The following C11orf65 variants were observed in gnomAD, a reference collection of about 807,000 sequenced individuals.
C11orf65 encodes the protein chromosome 11 open reading frame 65, also known as protein MFI.
In C11orf65, 38 loss-of-function variants were observed where a neutral mutation model predicts 35.3. That is an observed-to-expected ratio of 1.08 (90% CI 0.83 to 1.41). The LOEUF (loss-of-function observed/expected upper bound fraction) is 1.41, where lower values mean the gene tolerates loss of function less well. C11orf65 is among the 40% of genes most tolerant of loss of function. The pLI is 0.00. For missense variants in C11orf65, 370 were observed against 367.1 expected, an observed-to-expected ratio of 1.01 and a Z score of -0.06; for synonymous variants, 105 against 114.4, an observed-to-expected ratio of 0.92 and a Z score of 0.53.
At position 108,365,138 on chromosome 11, in the gene C11orf65, T is replaced by G; in HGVS notation, c.226+28070A>C. On this transcript the variant is annotated intron_variant, in intron 2 of 3. Coordinates refer to the C11orf65 transcript ENST00000524755. ...CCATGAATCCTTTGAAAGCTTTGTA[T>G]TTACAGCAGAGGCCGGAAGATGAAA... 6.2e-7 allele frequency: 1 copy of G among 1,614,214 alleles called. No individual in the cohort carries two copies.
chr11:108,423,223 G>A (rs1425750825), intron 3 of C11orf65, among the ~76,000 whole-genome samples: 3 of 152,112 alleles, frequency 2.0e-5, no homozygotes, highest in Non-Finnish European at 4.4e-5. Context: ...TGGAATGCCA[G>A]CGAGACAGAC....
intron 3 of C11orf65, among the ~76,000 whole-genome samples, chr11:108,427,925 G>A (rs1003795860): frequency 2.3e-5 from 3 of 129,272 alleles, no homozygotes; most frequent in Non-Finnish European, 4.8e-5. Context: ...CCGCCTCCCG[G>A]GTTCACGCCA....
chr11:108,317,533 G>C (rs2084795630), intron 6 of C11orf65: 5 of 1,575,728 alleles, frequency 3.2e-6, no homozygotes, highest in Non-Finnish European at 4.3e-6. Flanking sequence ...TAAGAAATTT[G>C]ACTTGATTTT....
chr11:108,373,604 G>A (rs955979476), intron 2 of C11orf65, among the ~76,000 whole-genome samples: 1 of 152,234 alleles, frequency 6.6e-6, no homozygotes, highest in Non-Finnish European at 1.5e-5. Flanking sequence ...CGACGCAGAA[G>A]ACGGGTGATT....
chr11:108,431,797 T>C lies in C11orf65; in HGVS notation c.123A>G (p.Leu41=), dbSNP rs1259965336. The C allele has an allele frequency of 6.5e-7, 1 of 1,530,002 alleles. No individual in the cohort carries two copies. Among genetic ancestry groups the C allele is most frequent in the South Asian group, 1.3e-5 (1 of 77,494 alleles). The allele number at this position is 1,530,002 out of a possible 1,614,324, so 94.8% of individuals were successfully genotyped here. A position where few individuals can be genotyped will look rare whatever the true frequency, so the allele number is the denominator to read the frequency against. The change falls in exon 3 of 9, where the codon TTA becomes TTG. Residue 41 remains leucine, a synonymous_variant. Transcript: ENST00000393084. ...TCTGACGTGGTTCTCCTTGTCTTCT[T>C]AAATCAATCAGACTTTTAAAGTGTT... The part of the protein sequence containing the change: ...IFQHFKSLID[L]RRQGEPRQIV...
chr11:108,441,795 C>A (rs1365505909), intron 2 of C11orf65, among the ~76,000 whole-genome samples: 1 of 152,110 alleles, frequency 6.6e-6, no homozygotes. Context: ...AGAAAGGACA[C>A]CCACACCAAA....
intron 8 of C11orf65, 26 bp downstream of exon 8, chr11:108,385,894 A>G (rs376609601): frequency 2.4e-5 from 38 of 1,601,506 alleles, no homozygotes; most frequent in Admixed American, 1.3e-4. Flanking sequence ...AGAATTTCCT[A>G]TAAAGTACTG....
chr11:108,391,327 C>A (rs1256993117), intron 7 of C11orf65, among the ~76,000 whole-genome samples: 5 of 152,108 alleles, frequency 3.3e-5, no homozygotes, highest in African/African-American at 9.7e-5. Context: ...AGTATAGTAT[C>A]CAGTGGCTTT....
At chr11:108,467,741 G>T (rs1414029041), upstream of C11orf65, among the ~76,000 whole-genome samples, 1 of 152,168 alleles carries the variant, frequency 6.6e-6, no homozygotes, top group Non-Finnish European at 1.5e-5. Flanking sequence ...CTACGAAGTT[G>T]GGCTTAGTAT....
chr11:108,337,081 G>A (rs1370210845), intron 2 of C11orf65, among the ~76,000 whole-genome samples: 2 of 151,934 alleles, frequency 1.3e-5, no homozygotes, highest in Admixed American at 1.3e-4. Flanking sequence ...CCCTAAATAG[G>A]GGAGTGAAGA....
At chr11:108,411,757 C>A (rs965785844) in intron 3 of C11orf65, among the ~76,000 whole-genome samples, 2 of 151,756 alleles carry the variant, frequency 1.3e-5, no homozygotes, top group Admixed American at 6.6e-5. Context: ...TTGTCCAATA[C>A]TAACATAATG....
intron 3 of C11orf65, among the ~76,000 whole-genome samples, chr11:108,421,115 G>A (rs938984165): frequency 6.6e-6 from 1 of 152,056 alleles, no homozygotes; most frequent in Non-Finnish European, 1.5e-5. Flanking sequence ...AGCACTAGTC[G>A]TCTTTCTCTT....
At chr11:108,408,674 T>TAAACAAAACAAAACA (rs2092592360) in intron 3 of C11orf65, among the ~76,000 whole-genome samples, 3 of 77,250 alleles carry the variant, frequency 3.9e-5, no homozygotes, top group African/African-American at 1.7e-4. Context: ...TCTGTCTCAA[T>TAAACAAAACAAAACA]AAATAAAATA....
chr11:108,373,888 T>C (rs170547), intron 2 of C11orf65, among the ~76,000 whole-genome samples: 92,752 of 152,052 alleles, frequency 0.61, 28,553 homozygotes, highest in Middle Eastern at 0.76. Context: ...GCACCTGGCT[T>C]GGAGGGTCCT....
At chr11:108,364,027 C>G (rs1387133833) in intron 2 of C11orf65, among the ~76,000 whole-genome samples, 1 of 152,122 alleles carries the variant, frequency 6.6e-6, no homozygotes, top group Non-Finnish European at 1.5e-5. Flanking sequence ...ACTTAACGGA[C>G]AAGCTACATG....
chr11:108,441,232 C>G (rs2093148637), intron 2 of C11orf65, among the ~76,000 whole-genome samples: 1 of 152,214 alleles, frequency 6.6e-6, no homozygotes, highest in South Asian at 2.1e-4. Context: ...ACTAACACAG[C>G]AGTCTGAGAT....
chr11:108,336,925 G>T (rs1180102518), intron 2 of C11orf65, among the ~76,000 whole-genome samples: 1 of 152,154 alleles, frequency 6.6e-6, no homozygotes, highest in African/African-American at 2.4e-5. Flanking sequence ...TTTGTCTTTT[G>T]TGATTTCATT....
downstream of C11orf65, chr11:108,327,579 A>T: frequency 1.5e-6 from 2 of 1,336,038 alleles, no homozygotes; most frequent in Non-Finnish European, 2.1e-6. Flanking sequence ...TTCCCCGTAC[A>T]TGAAGGGCAG....
intron 2 of C11orf65, among the ~76,000 whole-genome samples, chr11:108,432,651 A>G (rs944250274): frequency 6.6e-6 from 1 of 152,202 alleles, no homozygotes; most frequent in African/African-American, 2.4e-5. Flanking sequence ...TAAAGCAAAT[A>G]AAATAAATTC....
Sources: allele counts gnomAD v4.1 joint callset (sites outside exome capture counted in the v4.1 genomes callset), GRCh38; gene constraint gnomAD v4.1.1; transcripts MANE v1.5; gene names NCBI Gene and HGNC (gene_info 2026-07-23, HGNC 2026-07-21).